The following C1QB variants were observed in gnomAD, a reference collection of about 807,000 sequenced individuals.
C1QB encodes the protein complement C1q subcomponent subunit B.
A neutral mutation model predicts 4.6 loss-of-function variants in C1QB; 2 were observed. The observed-to-expected ratio is 0.43, with a 90% CI of 0.18 to 1.36. The LOEUF is 1.36. Among genes scored for constraint, C1QB ranks in the 40% most tolerant of loss-of-function variants. The pLI is 0.28. For synonymous variants in C1QB, 132 were observed against 137.1 expected (o/e 0.96, Z 0.26); for missense variants, 292 against 338.0 (o/e 0.86, Z 1.07).
chr1:22,659,527 T>C lies in C1QB; in HGVS notation c.65T>C (p.Ile22Thr), dbSNP rs1642588773. The C allele has an allele frequency of 6.2e-7, 1 of 1,614,048 alleles. No homozygotes were observed. The highest frequency in any genetic ancestry group is 2.2e-5 in the East Asian group (1 of 44,870). Residue 22 changes from isoleucine (I) to threonine (T), a missense_variant, in exon 2 of 3, where the codon ATC becomes ACC. By Grantham distance (89) the Ile-to-Thr change is moderately conservative. Coordinates refer to ENST00000509305, the MANE Select transcript of C1QB (RefSeq NM_001378156.1). ...CTCCTGCTCCTGGGCCTAATCGATATCTCCCAGGCCCAGCTCAGCTGCACC... is the reference window on the plus strand; with the variant it reads ...CTCCTGCTCCTGGGCCTAATCGATACCTCCCAGGCCCAGCTCAGCTGCACC... ...MLLLLLGLIDISQAQLSCTGP... is the reference protein window; with the variant it reads ...MLLLLLGLIDTSQAQLSCTGP...
chr1:22,661,046 G>A lies in C1QB; in HGVS notation c.416G>A (p.Arg139His), dbSNP rs372067838. 20 of 1,613,832 alleles carry A rather than the reference G, an allele frequency of 1.2e-5. No individual in the cohort carries two copies. Among genetic ancestry groups the A allele is most frequent in the African/African-American group, 5.3e-5 (4 of 74,834 alleles). ...NVPLRRDQTI[R>H]FDHVITNMNN... ...CCCCTGCGCCGGGACCAGACCATCCGCTTCGACCACGTGATCACCAACATG... is the reference window on the plus strand; with the variant it reads ...CCCCTGCGCCGGGACCAGACCATCCACTTCGACCACGTGATCACCAACATG... The change falls in exon 3 of 3, where the codon CGC (arginine) becomes CAC (histidine). Residue 139 changes from arginine to histidine, a missense_variant. Arg to His is a conservative substitution (Grantham distance 29). Transcript: ENST00000509305.
chr1:22,658,733 T>G (rs1374863527), intron 1 of C1QB, among the ~76,000 whole-genome samples: 1 of 151,512 alleles, frequency 6.6e-6, no homozygotes, highest in Non-Finnish European at 1.5e-5. Flanking sequence ...GAGGGATGGA[T>G]GGATGAACGG....
At chr1:22,655,894 G>A (rs751229896) in intron 1 of C1QB, among the ~76,000 whole-genome samples, 6 of 152,190 alleles carry the variant, frequency 3.9e-5, no homozygotes, top group African/African-American at 9.7e-5. Flanking sequence ...TTTGACCCAA[G>A]CTTCGAATGA....
At chr1:22,660,439 G>A (rs971317191) in intron 2 of C1QB, among the ~76,000 whole-genome samples, 3 of 152,166 alleles carry the variant, frequency 2.0e-5, no homozygotes, top group African/African-American at 4.8e-5. Context: ...TCCAGGAGCA[G>A]CAAGAGTGAA....
intron 2 of C1QB, among the ~76,000 whole-genome samples, chr1:22,660,382 G>A (rs1032010366): frequency 2.0e-5 from 3 of 152,138 alleles, no homozygotes; most frequent in Non-Finnish European, 2.9e-5. Context: ...AAACCAAGGG[G>A]TAGTGGCTGC....
chr1:22,656,594 C>G (rs1642534666), intron 1 of C1QB, among the ~76,000 whole-genome samples: 1 of 152,170 alleles, frequency 6.6e-6, no homozygotes, highest in African/African-American at 2.4e-5. Flanking sequence ...TTTTCCTCTG[C>G]TCTCACACCA....
chr1:22,657,434 T>C (rs1011832767), intron 1 of C1QB, among the ~76,000 whole-genome samples: 1 of 152,164 alleles, frequency 6.6e-6, no homozygotes, highest in African/African-American at 2.4e-5. Flanking sequence ...TGCTACAACA[T>C]AGAAACATGG....
At chr1:22,653,440 A>G (rs1380962324) in intron 1 of C1QB, 137 bp downstream of exon 1, 1 of 152,268 alleles carries the variant, frequency 6.6e-6, no homozygotes, top group African/African-American at 2.4e-5. Flanking sequence ...GCTGGGCCCA[A>G]TCCCAGACCT....
In C1QB at chr1:22,661,056, C is replaced by T. The variant is rs376737563; in HGVS notation, c.426C>T (p.His142=). The T allele has an allele frequency of 1.3e-4, 214 of 1,614,026 alleles. No individual in the cohort carries two copies. The highest frequency in any genetic ancestry group is 1.7e-4 in the Non-Finnish European group (197 of 1,180,036). Residue 142 remains histidine (H), a synonymous_variant, in exon 3 of 3, where the codon CAC becomes CAT. Transcript: ENST00000509305. ...GGGACCAGACCATCCGCTTCGACCA[C>T]GTGATCACCAACATGAACAACAATT... ...LRRDQTIRFD[H]VITNMNNNYE... is the part of the protein sequence containing the mutation.
At chr1:22,658,839 A>G in intron 1 of C1QB, among the ~76,000 whole-genome samples, 1 of 145,206 alleles carries the variant, frequency 6.9e-6, no homozygotes, top group African/African-American at 2.5e-5. Flanking sequence ...AGATGGACAG[A>G]GGGATGCAGG....
chr1:22,661,126 T>C lies in C1QB; in HGVS notation c.496T>C (p.Tyr166His). 6.2e-6 allele frequency: 10 copies of C among 1,614,166 alleles called. No individual in the cohort carries two copies. Among genetic ancestry groups the C allele is most frequent in the Non-Finnish European group, 8.5e-6 (10 of 1,180,010 alleles). Residue 166 changes from tyrosine to histidine, a missense_variant, in exon 3 of 3, where the codon TAC (tyrosine) becomes CAC (histidine). Transcript: ENST00000509305. ...GTTCACCTGCAAGGTGCCCGGTCTCTACTACTTCACCTACCACGCCAGCTC... is the reference window on the plus strand; with the variant it reads ...GTTCACCTGCAAGGTGCCCGGTCTCCACTACTTCACCTACCACGCCAGCTC... ...GKFTCKVPGL[Y>H]YFTYHASSRG... is the part of the protein sequence containing the mutation.
In C1QB at chr1:22,659,501, G is replaced by A. The variant is rs780425216; in HGVS notation, c.39G>A (p.Leu13=). The A allele has an allele frequency of 3.1e-6, 5 of 1,614,064 alleles. No homozygotes were observed. The South Asian group carries it at 4.4e-5, about 14-fold the overall frequency. The change falls in exon 2 of 3, where the codon TTG becomes TTA. Residue 13 remains leucine (L), a synonymous_variant. Coordinates refer to ENST00000509305, the MANE Select transcript of C1QB (RefSeq NM_001378156.1). ...GGGGCAGCATCCCAGTACTGATGTT[G>A]CTCCTGCTCCTGGGCCTAATCGATA... ...IPWGSIPVLM[L]LLLLGLIDIS...
intron 2 of C1QB, among the ~76,000 whole-genome samples, chr1:22,660,502 C>T (rs1172089833): frequency 1.3e-5 from 2 of 152,108 alleles, no homozygotes; most frequent in African/African-American, 4.8e-5. Context: ...AGGGAGACAG[C>T]ACTCATTATC....
In C1QB at chr1:22,661,136, C is replaced by A. The variant is rs1312989758; in HGVS notation, c.506C>A (p.Thr169Asn). Residue 169 changes from threonine (T) to asparagine (N), a missense_variant, in exon 3 of 3, where the codon ACC becomes AAC. Transcript: ENST00000509305. The stretch of plus-strand genomic sequence containing the variant: ...AAGGTGCCCGGTCTCTACTACTTCA[C>A]CTACCACGCCAGCTCTCGAGGGAAC... ...TCKVPGLYYF[T>N]YHASSRGNLC... 6.2e-7 allele frequency: 1 copy of A among 1,614,064 alleles called. No individual in the cohort carries two copies. The highest frequency in any genetic ancestry group is 2.2e-5 in the East Asian group (1 of 44,888).
Position 22,661,189 on chromosome 1 carries a change from G to C in C1QB, c.559G>C (p.Glu187Gln), listed in dbSNP as rs775378921. The C allele has an allele frequency of 6.2e-7, 1 of 1,614,096 alleles. No homozygotes were observed. Among genetic ancestry groups the C allele is most frequent in the Non-Finnish European group, 8.5e-7 (1 of 1,180,018 alleles). The change falls in exon 3 of 3, where the codon GAG becomes CAG. Residue 187 changes from glutamate to glutamine, a missense_variant. Glu to Gln is a conservative substitution (Grantham distance 29). Coordinates refer to ENST00000509305, the MANE Select transcript of C1QB (RefSeq NM_001378156.1). The stretch of plus-strand genomic sequence containing the variant: ...GTGCGTGAACCTCATGCGTGGCCGG[G>C]AGCGTGCACAGAAGGTGGTCACCTT... ...NLCVNLMRGR[E>Q]RAQKVVTFCD...
chr1:22,656,758 A>AAG, intron 1 of C1QB, among the ~76,000 whole-genome samples: 1 of 152,298 alleles, frequency 6.6e-6, no homozygotes, highest in African/African-American at 2.4e-5. Context: ...TCAGTCCCAC[A>AAG]AGACTGCTCC....
chr1:22,657,164 T>G (rs1642542518), intron 1 of C1QB, among the ~76,000 whole-genome samples: 1 of 151,766 alleles, frequency 6.6e-6, no homozygotes, highest in South Asian at 2.1e-4. Context: ...TCCCCAGAGG[T>G]TGGGGGGTGG....
chr1:22,659,469 A>G lies in C1QB; in HGVS notation c.7A>G (p.Ile3Val), dbSNP rs951341286. 1 of 1,613,864 alleles carries G rather than the reference A, an allele frequency of 6.2e-7. No individual in the cohort carries two copies. The change falls in exon 2 of 3, where the codon ATC (isoleucine) becomes GTC (valine). Residue 3 changes from isoleucine to valine, a missense_variant. Physicochemically the swap from Ile to Val is conservative, Grantham distance 29. Transcript: ENST00000509305. ...CGTCTGACACAGTATGATGATGAAG[A>G]TCCCATGGGGCAGCATCCCAGTACT... Reference protein sequence around the residue: MKIPWGSIPVLML... With the variant: MKVPWGSIPVLML...
At chr1:22,659,038 G>GATGC (rs1239163219) in intron 1 of C1QB, among the ~76,000 whole-genome samples, 1 of 10,842 alleles carries the variant, frequency 9.2e-5, no homozygotes, top group Non-Finnish European at 2.0e-4. Context: ...TAGAGAGACA[G>GATGC]ATGGATGGAT....
Sources: gnomAD v4.1 joint callset for allele counts (sites outside exome capture counted in the v4.1 genomes callset) on GRCh38, gnomAD v4.1.1 for gene constraint, MANE v1.5 for transcripts, NCBI Gene and HGNC (gene_info 2026-07-23, HGNC 2026-07-21) for gene names.